Variants in SEMA3A observed in about 807,000 individuals in gnomAD.
The protein encoded by SEMA3A is semaphorin-3A.
A neutral mutation model predicts 97.9 loss-of-function variants in SEMA3A; 29 were observed. The ratio of observed to expected loss-of-function variants is 0.30; its 90% CI spans 0.22 to 0.40. The LOEUF (loss-of-function observed/expected upper bound fraction) is 0.40. Among genes scored for constraint, SEMA3A ranks in the 10% least tolerant of loss-of-function variants. The pLI, the probability that SEMA3A is intolerant of heterozygous loss-of-function variation, is 1.00. For missense variants in SEMA3A, 763 were observed against 951.3 expected, an observed-to-expected ratio of 0.80 and a Z score of 2.60; for synonymous variants, 321 against 323.7, an observed-to-expected ratio of 0.99 and a Z score of 0.09.
At chr7:84,284,494 G>A (rs1373283605) in intron 3 of SEMA3A, among the ~76,000 whole-genome samples, 4 of 152,090 alleles carry the variant, frequency 2.6e-5, no homozygotes, top group African/African-American at 4.8e-5. Flanking sequence ...TCTCCTCCCC[G>A]AATTTTGGGA....
intron 5 of SEMA3A, among the ~76,000 whole-genome samples, chr7:84,050,565 T>C (rs202108500): frequency 0.17 from 25,295 of 151,970 alleles, 2,679 homozygotes; most frequent in Non-Finnish European, 0.23. Context: ...TGTATGTTTT[T>C]TTCTTGTAAA....
At chr7:84,113,370 C>T (rs902182119) in intron 3 of SEMA3A, among the ~76,000 whole-genome samples, 2 of 152,094 alleles carry the variant, frequency 1.3e-5, no homozygotes, top group Admixed American at 6.6e-5. Flanking sequence ...CCAAGGTTTT[C>T]GAGTGTTCCA....
chr7:84,424,346 T>G (rs904318053), intron 1 of SEMA3A, among the ~76,000 whole-genome samples: 1 of 139,928 alleles, frequency 7.1e-6, no homozygotes, highest in South Asian at 2.1e-4. Flanking sequence ...ACAATAAATA[T>G]TATATATAAT....
Position 84,194,502 on chromosome 7 carries a change from C to T in SEMA3A, c.85G>A (p.Val29Met). Residue 29 changes from valine to methionine, a missense_variant, in exon 1 of 17, where the codon GTG (valine) becomes ATG (methionine). Transcript: ENST00000265362. ...RANYQNGKNN[V>M]PRLKLSYKEM... ...TTGTAGGATAATTTCAGCCTTGGCA[C>T]ATTGTTCTTCCCATTCTGATAGTTT... 1 of 1,610,980 alleles carries T rather than the reference C, an allele frequency of 6.2e-7. No homozygotes were observed. Among genetic ancestry groups the T allele is most frequent in the Non-Finnish European group, 8.5e-7 (1 of 1,177,244 alleles).
At chr7:84,289,446 C>T (rs1204870529) in intron 3 of SEMA3A, among the ~76,000 whole-genome samples, 5 of 151,944 alleles carry the variant, frequency 3.3e-5, no homozygotes, top group African/African-American at 1.2e-4. Context: ...TCACTGCACA[C>T]TATATACACG....
At chr7:84,491,000 A>G (rs2116453395) in intron 1 of SEMA3A, among the ~76,000 whole-genome samples, 1 of 152,262 alleles carries the variant, frequency 6.6e-6, no homozygotes, top group South Asian at 2.1e-4. Flanking sequence ...AACTCCGTTT[A>G]CTCCACCATC....
Position 84,060,464 on chromosome 7 carries a change from C to G in SEMA3A, c.547+1G>C, listed in dbSNP as rs752873138. 6.4e-7 allele frequency: 1 copy of G among 1,569,774 alleles called. No homozygotes were observed. Among genetic ancestry groups the G allele is most frequent in the Non-Finnish European group, 8.6e-7 (1 of 1,160,308 alleles). The stretch of plus-strand genomic sequence containing the variant: ...TATTTAATTGATTGTTGACTACGCA[C>G]CTATTAAAAGGGATGCTGTCAGCAG... On this transcript the variant is annotated splice_donor_variant, in intron 5 of 16. Coordinates refer to ENST00000265362, the MANE Select transcript of SEMA3A (RefSeq NM_006080.3). LOFTEE classifies it high-confidence loss of function.
intron 1 of SEMA3A, among the ~76,000 whole-genome samples, chr7:84,409,463 T>C (rs1804201288): frequency 6.6e-6 from 1 of 152,102 alleles, no homozygotes. Context: ...TAGCCCTTTT[T>C]GTGTTACTTC....
intron 1 of SEMA3A, among the ~76,000 whole-genome samples, chr7:84,436,983 G>A (rs1232123657): frequency 2.0e-5 from 3 of 152,048 alleles, no homozygotes; most frequent in Non-Finnish European, 4.4e-5. Context: ...TGCCATTTAT[G>A]TTAAATACCA....
chr7:84,266,643 C>T (rs1374729210), intron 3 of SEMA3A, among the ~76,000 whole-genome samples: 4 of 152,112 alleles, frequency 2.6e-5, no homozygotes, highest in East Asian at 1.9e-4. Context: ...TGAAAAGAAA[C>T]GTAAGGTGCC....
intron 1 of SEMA3A, among the ~76,000 whole-genome samples, chr7:84,434,105 T>C (rs1805058673): frequency 6.6e-6 from 1 of 152,172 alleles, no homozygotes; most frequent in African/African-American, 2.4e-5. Flanking sequence ...GACTTTTCAA[T>C]AGTAGTCATT....
rs558242440 is a variant in SEMA3A, at chr7:84,224,089, T to C, written c.-82-29421A>G. On this transcript the variant is annotated intron_variant, in intron 3 of 3. Transcript: ENST00000424555. Reference sequence around the variant, plus strand: ...TATTGAGAATAAACAAAATGAATTATAATTTTCTCACACATTTCCCCCATC... The same window carrying C: ...TATTGAGAATAAACAAAATGAATTACAATTTTCTCACACATTTCCCCCATC... Among the ~76,000 whole-genome samples, 5 of 152,074 alleles carry C rather than the reference T, an allele frequency of 3.3e-5. 1 individual carries two copies. The highest frequency in any genetic ancestry group is 1.2e-4 in the African/African-American group (5 of 41,552).
chr7:84,259,955 G>C (rs1460719178), intron 3 of SEMA3A, among the ~76,000 whole-genome samples: 2 of 152,080 alleles, frequency 1.3e-5, no homozygotes, highest in African/African-American at 4.8e-5. Context: ...TGTAGATGCC[G>C]ATACACAGCA....
At chr7:84,371,412 G>A (rs1178289135) in intron 2 of SEMA3A, among the ~76,000 whole-genome samples, 1 of 151,728 alleles carries the variant, frequency 6.6e-6, no homozygotes, top group Non-Finnish European at 1.5e-5. Context: ...CAGAATACTT[G>A]AGTTTTTTAG....
chr7:84,181,510 C>T (rs1797737611), intron 1 of SEMA3A, among the ~76,000 whole-genome samples: 1 of 151,922 alleles, frequency 6.6e-6, no homozygotes, highest in African/African-American at 2.4e-5. Context: ...TTATGTCTAA[C>T]TACAGCTACT....
chr7:84,395,697 T>C (rs1803714062), intron 1 of SEMA3A, among the ~76,000 whole-genome samples: 1 of 152,130 alleles, frequency 6.6e-6, no homozygotes, highest in Non-Finnish European at 1.5e-5. Flanking sequence ...CCTTTTTCCC[T>C]GTTTGCTCGG....
chr7:84,108,808 G>A (rs2115932827), intron 4 of SEMA3A, among the ~76,000 whole-genome samples: 1 of 151,208 alleles, frequency 6.6e-6, no homozygotes, highest in East Asian at 2.0e-4. Flanking sequence ...GGGAGGCTGA[G>A]ACAGGAGAAC....
At chr7:84,149,094 A>C (rs1378320101) in intron 1 of SEMA3A, among the ~76,000 whole-genome samples, 2 of 152,152 alleles carry the variant, frequency 1.3e-5, no homozygotes, top group Non-Finnish European at 2.9e-5. Context: ...AAAACAAGGA[A>C]AAATTGGATT....
At chr7:84,199,565 C>A (rs73709594), upstream of SEMA3A, among the ~76,000 whole-genome samples, 1 of 149,890 alleles carries the variant, frequency 6.7e-6, no homozygotes, top group Admixed American at 6.6e-5. Context: ...CTGTTATTTC[C>A]GTTTTTTTTT....
Sources: gnomAD v4.1 joint callset for allele counts (sites outside exome capture counted in the v4.1 genomes callset) on GRCh38, gnomAD v4.1.1 for gene constraint, MANE v1.5 for transcripts, NCBI Gene and HGNC (gene_info 2026-07-23, HGNC 2026-07-21) for gene names.